Variants in GNAZ observed in about 807,000 individuals in gnomAD.
The protein encoded by GNAZ is guanine nucleotide-binding protein G(z) subunit alpha.
Under a neutral mutation model 25.4 loss-of-function variants are expected in GNAZ, and 3 were observed. That is an observed-to-expected ratio of 0.12 (90% CI 0.05 to 0.30). GNAZ has a LOEUF of 0.30. Ranked by LOEUF, GNAZ falls within the 10% of genes least tolerant of loss-of-function variation. The probability of loss-of-function intolerance (pLI) is 1.00; values close to 1 mark genes in which losing one functional copy is unlikely to be tolerated. For synonymous variants in GNAZ, 211 were observed against 205.7 expected, an observed-to-expected ratio of 1.03 and a Z score of -0.22; for missense variants, 241 against 501.8, an observed-to-expected ratio of 0.48 and a Z score of 4.97.
rs779601598 is a variant in GNAZ at position 23,095,869 on chromosome 22, C to T, written c.174C>T (p.Ser58=). Reference sequence around the variant, plus strand: ...TCAAACAGATGAAGATCATCCACAGCGGCGGCTTCAACCTGGAGGCCTGCA... The same window carrying T: ...TCAAACAGATGAAGATCATCCACAGTGGCGGCTTCAACCTGGAGGCCTGCA... ...TIVKQMKIIH[S]GGFNLEACKE... Residue 58 remains serine, a synonymous_variant, in exon 2 of 3, where the codon AGC becomes AGT. Transcript: ENST00000615612. The T allele has an allele frequency of 1.4e-5, 23 of 1,613,574 alleles. No individual in the cohort carries two copies. The Admixed American group carries it at 1.8e-4, about 13-fold the overall frequency.
chr22:23,093,181 C>CAA (rs1478636393), intron 1 of GNAZ, among the ~76,000 whole-genome samples: 22 of 152,260 alleles, frequency 1.4e-4, no homozygotes, highest in African/African-American at 5.1e-4. Flanking sequence ...CATCTCAAGG[C>CAA]TTCCATTCTC....
At chr22:23,108,944 G>A (rs867522246) in intron 2 of GNAZ, among the ~76,000 whole-genome samples, 22 of 152,218 alleles carry the variant, frequency 1.4e-4, no homozygotes, top group African/African-American at 5.1e-4. Context: ...CTTAGGAATT[G>A]TCTGAGGGTG....
chr22:23,109,077 T>C (rs2069567337), intron 2 of GNAZ, among the ~76,000 whole-genome samples: 1 of 152,194 alleles, frequency 6.6e-6, no homozygotes, highest in African/African-American at 2.4e-5. Flanking sequence ...TCATGAGGCC[T>C]GGACAGTGCC....
At chr22:23,119,321 TG>T (rs2069939657) in intron 2 of GNAZ, among the ~76,000 whole-genome samples, 1 of 152,272 alleles carries the variant, frequency 6.6e-6, no homozygotes, top group South Asian at 2.1e-4. Context: ...CCTCTGCAGT[TG>T]ATCTTTCAGA....
Position 23,096,167 on chromosome 22 carries a change from A to G in GNAZ, c.472A>G (p.Asn158Asp), listed in dbSNP as rs1207921295. 1.2e-6 allele frequency: 2 copies of G among 1,613,216 alleles called. No individual in the cohort carries two copies. Among genetic ancestry groups the G allele is most frequent in the East Asian group, 4.5e-5 (2 of 44,876 alleles). Residue 158 changes from asparagine to aspartate, a missense_variant, in exon 2 of 3, where the codon AAC becomes GAC. Physicochemically the swap from Asn to Asp is conservative, Grantham distance 23. Transcript: ENST00000615612. ...GGAGGACAACGCGGCCTACTACCTG[A>G]ACGACCTGGAGCGCATCGCCGCAGC... ...HLEDNAAYYL[N>D]DLERIAAADY...
chr22:23,120,900 GTTA>G (rs1381323360), intron 2 of GNAZ, among the ~76,000 whole-genome samples: 1 of 152,188 alleles, frequency 6.6e-6, no homozygotes, highest in Admixed American at 6.5e-5. Flanking sequence ...GGTCATATCT[GTTA>G]TTTAACTGAT....
At chr22:23,105,033 C>T (rs533740911) in intron 2 of GNAZ, among the ~76,000 whole-genome samples, 33 of 152,244 alleles carry the variant, frequency 2.2e-4, no homozygotes, top group Non-Finnish European at 3.2e-4. Flanking sequence ...CTAATCCCTG[C>T]TTCATCACAC....
intron 2 of GNAZ, among the ~76,000 whole-genome samples, chr22:23,120,619 TCA>T (rs2069990463): frequency 1.3e-5 from 2 of 152,222 alleles, no homozygotes; most frequent in African/African-American, 4.8e-5. Context: ...CCATCAGGGC[TCA>T]GAGAGGCAGA....
chr22:23,095,640 AAGAGGG>A lies in GNAZ; in HGVS notation c.-50_-45del. On this transcript the variant is annotated 5_prime_UTR_variant, in exon 2 of 3. Coordinates refer to ENST00000615612, the MANE Select transcript of GNAZ (RefSeq NM_002073.4). ...GCCTGGTCTCAGTGTCCCCTGTGGC[AAGAGGG>A]AGAGGTGCCCCATCCCGTGCTCCTT... 6.5e-7 allele frequency: 1 copy of A among 1,541,338 alleles called. No homozygotes were observed. Among genetic ancestry groups the A allele is most frequent in the East Asian group, 2.3e-5 (1 of 44,318 alleles).
At position 23,105,671 on chromosome 22, in the gene GNAZ, G is replaced by C. The variant is rs563568368; in HGVS notation, c.723+9253G>C. 3.9e-5 allele frequency among the ~76,000 whole-genome samples: 6 copies of C among 152,340 alleles called. No homozygotes were observed. In the South Asian group the frequency reaches 1.2e-3, roughly 32 times the overall value. The stretch of plus-strand genomic sequence containing the variant: ...TTCTTCGCATGGTGATGGCGTGCAA[G>C]CTCCTGGCCAGGCCTGTGTCTGTGT... On this transcript the variant is annotated intron_variant, in intron 2 of 2. Coordinates refer to ENST00000615612, the MANE Select transcript of GNAZ (RefSeq NM_002073.4).
At chr22:23,107,100 G>A (rs1268038692) in intron 2 of GNAZ, among the ~76,000 whole-genome samples, 1 of 152,254 alleles carries the variant, frequency 6.6e-6, no homozygotes, top group Admixed American at 6.5e-5. Context: ...GCGGCAGCCT[G>A]TTATCTTGTT....
chr22:23,103,906 C>G (rs2069379499), intron 2 of GNAZ, among the ~76,000 whole-genome samples: 1 of 152,228 alleles, frequency 6.6e-6, no homozygotes, highest in African/African-American at 2.4e-5. Context: ...TGGCCGCATG[C>G]TCTCTGTGAC....
intron 2 of GNAZ, among the ~76,000 whole-genome samples, chr22:23,102,163 T>A (rs1025194152): frequency 7.2e-5 from 11 of 152,236 alleles, no homozygotes; most frequent in African/African-American, 2.7e-4. Context: ...CAGCCTTAAC[T>A]GGGGCTGCGG....
intron 1 of GNAZ, among the ~76,000 whole-genome samples, chr22:23,093,039 C>G (rs1006066047): frequency 6.6e-6 from 1 of 152,248 alleles, no homozygotes; most frequent in Admixed American, 6.5e-5. Flanking sequence ...GTCAGGTCGT[C>G]AGCAGGGACA....
At chr22:23,112,693 T>G (rs1187897005) in intron 2 of GNAZ, among the ~76,000 whole-genome samples, 1 of 152,054 alleles carries the variant, frequency 6.6e-6, no homozygotes, top group Non-Finnish European at 1.5e-5. Flanking sequence ...GTGCTCAAGG[T>G]AAGCACGATG....
chr22:23,095,668 C>G lies in GNAZ; in HGVS notation c.-28C>G, dbSNP rs1485747260. ...AGGGAGAGGTGCCCCATCCCGTGCT[C>G]CTTGTCTGGGCCCGCTGCTGCCAGA... On this transcript the variant is annotated 5_prime_UTR_variant, in exon 2 of 3. Transcript: ENST00000615612. 1 of 1,579,796 alleles carries G rather than the reference C, an allele frequency of 6.3e-7. No homozygotes were observed. Among genetic ancestry groups the G allele is most frequent in the Admixed American group, 1.8e-5 (1 of 56,264 alleles).
intron 1 of GNAZ, among the ~76,000 whole-genome samples, chr22:23,074,433 G>A (rs2068458909): frequency 6.6e-6 from 1 of 152,218 alleles, no homozygotes; most frequent in African/African-American, 2.4e-5. Flanking sequence ...GGTATTGGCT[G>A]AGAAGCAAGA....
At chr22:23,079,922 C>T (rs1468537495) in intron 1 of GNAZ, among the ~76,000 whole-genome samples, 2 of 152,164 alleles carry the variant, frequency 1.3e-5, no homozygotes, top group Non-Finnish European at 1.5e-5. Flanking sequence ...TGTGGGATGC[C>T]ACACATGGAG....
At chr22:23,073,674 A>T (rs192194983) in intron 1 of GNAZ, among the ~76,000 whole-genome samples, 11 of 152,320 alleles carry the variant, frequency 7.2e-5, no homozygotes, top group African/African-American at 2.6e-4. Flanking sequence ...CAGATCCTAG[A>T]GCACATAGGA....
Sources: gnomAD v4.1 joint callset for allele counts (sites outside exome capture counted in the v4.1 genomes callset) on GRCh38, gnomAD v4.1.1 for gene constraint, MANE v1.5 for transcripts, NCBI Gene and HGNC (gene_info 2026-07-23, HGNC 2026-07-21) for gene names.